The following FAT3 variants were observed in gnomAD, a reference collection of about 807,000 sequenced individuals.
The protein encoded by FAT3 is protocadherin Fat 3.
In FAT3, 95 loss-of-function variants were observed where a neutral mutation model predicts 310.2. That is an observed-to-expected ratio of 0.31 (90% CI 0.26 to 0.36). The LOEUF is 0.36. FAT3 is among the 10% of genes least tolerant of loss of function. The pLI is 1.00. For synonymous variants in FAT3, 2,314 were observed against 2,192.9 expected, an observed-to-expected ratio of 1.06 and a Z score of -1.54; for missense variants, 5,408 against 5,715.6, an observed-to-expected ratio of 0.95 and a Z score of 1.74.
chr11:92,509,000 C>A (rs1294736923), intron 2 of FAT3, among the ~76,000 whole-genome samples: 1 of 152,152 alleles, frequency 6.6e-6, no homozygotes, highest in Non-Finnish European at 1.5e-5. Flanking sequence ...CATGCAAAAT[C>A]TTCTCAGCAG....
At position 92,354,175 on chromosome 11, in the gene FAT3, TG is replaced by T. The variant is rs1392071375; in HGVS notation, c.2065del (p.Ala689LeufsTer18). 1 of 1,613,914 alleles carries T rather than the reference TG, an allele frequency of 6.2e-7. No individual in the cohort carries two copies. Among genetic ancestry groups the T allele is most frequent in the Non-Finnish European group, 8.5e-7 (1 of 1,179,864 alleles). On this transcript the variant is annotated frameshift_variant, in exon 2 of 28. Coordinates refer to ENST00000525166, the MANE Select transcript of FAT3 (RefSeq NM_001367949.2). LOFTEE classifies it high-confidence loss of function. ...SKSFSCRETR[V>X]AQKLAEKLLI... ...AGCTTCAGTTGCAGAGAAACTCGTGTGGCTCAAAAGCTGGCAGAGAAACTAC... is the reference window on the plus strand; with the variant it reads ...AGCTTCAGTTGCAGAGAAACTCGTGTGCTCAAAAGCTGGCAGAGAAACTAC...
At chr11:92,349,510 A>C (rs11019918) in intron 1 of FAT3, among the ~76,000 whole-genome samples, 11,345 of 152,266 alleles carry the variant, frequency 0.075, 592 homozygotes, top group African/African-American at 0.14. Flanking sequence ...GGGCTTCGCC[A>C]CTCTGCTAGG....
At chr11:92,723,922 TCA>T (rs1178610362) in intron 4 of FAT3, among the ~76,000 whole-genome samples, 6 of 152,164 alleles carry the variant, frequency 3.9e-5, no homozygotes, top group African/African-American at 1.2e-4. Context: ...CCAAACCATA[TCA>T]CCAATCATCA....
chr11:92,279,490 C>G (rs1946366540), intron 1 of FAT3, among the ~76,000 whole-genome samples: 1 of 152,114 alleles, frequency 6.6e-6, no homozygotes, highest in Non-Finnish European at 1.5e-5. Flanking sequence ...CATGTATTAA[C>G]TCAATTATCT....
intron 3 of FAT3, among the ~76,000 whole-genome samples, chr11:92,638,905 A>G (rs1247860797): frequency 6.6e-6 from 1 of 152,180 alleles, no homozygotes; most frequent in Non-Finnish European, 1.5e-5. Flanking sequence ...CTGATTGATT[A>G]TTAACTTCTT....
At chr11:92,754,909 G>A (rs888151161) in intron 4 of FAT3, among the ~76,000 whole-genome samples, 1 of 151,896 alleles carries the variant, frequency 6.6e-6, no homozygotes, top group Admixed American at 6.6e-5. Context: ...TGTCATTTGT[G>A]ACAACATGGA....
intron 1 of FAT3, among the ~76,000 whole-genome samples, chr11:92,340,328 C>T (rs988005336): frequency 2.6e-5 from 4 of 151,946 alleles, no homozygotes; most frequent in African/African-American, 9.7e-5. Flanking sequence ...GACTGGTAAG[C>T]GGCTTAAGGC....
chr11:92,651,166 G>A (rs1271641820), intron 3 of FAT3, among the ~76,000 whole-genome samples: 1 of 152,198 alleles, frequency 6.6e-6, no homozygotes, highest in Non-Finnish European at 1.5e-5. Context: ...ATTGTCAAAT[G>A]GCTACTGTTC....
chr11:92,333,566 G>T (rs917981991), intron 1 of FAT3, among the ~76,000 whole-genome samples: 34 of 152,054 alleles, frequency 2.2e-4, no homozygotes, highest in Non-Finnish European at 4.6e-4. Flanking sequence ...CCCCTTATTT[G>T]GTGGAGAATT....
chr11:92,831,822 G>C lies in FAT3; in HGVS notation c.9682G>C (p.Asp3228His), dbSNP rs975595711. Reference protein sequence around the residue: ...SLTTVTITVLDINDNPPVFER... With the variant: ...SLTTVTITVLHINDNPPVFER... ...CACTACTGTCACCATCACCGTTCTG[G>C]ACATTAATGACAACCCCCCTGTGTT... Residue 3228 changes from aspartate (D) to histidine (H), a missense_variant, in exon 14 of 28, where the codon GAC (aspartate) becomes CAC (histidine). Transcript: ENST00000525166. 6.2e-7 allele frequency: 1 copy of C among 1,613,484 alleles called. No homozygotes were observed. The highest frequency in any genetic ancestry group is 8.5e-7 in the Non-Finnish European group (1 of 1,179,786).
chr11:92,879,346 G>A (rs1949618999), intron 22 of FAT3, among the ~76,000 whole-genome samples: 1 of 152,150 alleles, frequency 6.6e-6, no homozygotes, highest in African/African-American at 2.4e-5. Context: ...AGGAAAGCAG[G>A]GCCAGAGGAC....
intron 2 of FAT3, among the ~76,000 whole-genome samples, chr11:92,409,759 G>A (rs1001356054): frequency 6.6e-6 from 1 of 152,080 alleles, no homozygotes; most frequent in African/African-American, 2.4e-5. Flanking sequence ...ATGATTGCAG[G>A]GTAGTGCTTA....
chr11:92,311,239 T>C lies in FAT3; in HGVS notation c.-17-40857T>C, dbSNP rs116271975. Among the ~76,000 whole-genome samples the C allele has an allele frequency of 2.0e-3, 298 of 152,290 alleles. 3 individuals are homozygous for C. Among genetic ancestry groups the C allele is most frequent in the African/African-American group, 6.9e-3 (288 of 41,566 alleles). ...CCCATCACTATGGAATTTATGCAGT[T>C]GGAAACCAACTGAGCTTTATTGAAA... On this transcript the variant is annotated intron_variant, in intron 1 of 27. Coordinates refer to ENST00000525166, the MANE Select transcript of FAT3 (RefSeq NM_001367949.2).
chr11:92,781,277 A>G (rs1246857254), intron 7 of FAT3, among the ~76,000 whole-genome samples: 2 of 151,342 alleles, frequency 1.3e-5, no homozygotes, highest in East Asian at 3.9e-4. Flanking sequence ...AGATGGGATT[A>G]TCCCCATGTT....
chr11:92,436,056 C>G (rs553471115), intron 2 of FAT3, among the ~76,000 whole-genome samples: 1 of 152,290 alleles, frequency 6.6e-6, no homozygotes, highest in South Asian at 2.1e-4. Flanking sequence ...CCTAACAATT[C>G]ACAGGCCAGA....
intron 2 of FAT3, among the ~76,000 whole-genome samples, chr11:92,511,093 G>C (rs1953273530): frequency 6.6e-6 from 1 of 152,218 alleles, no homozygotes; most frequent in African/African-American, 2.4e-5. Context: ...GATAAAATCA[G>C]CTAATGCCTT....
At chr11:92,696,112 T>A (rs1943932296) in intron 3 of FAT3, among the ~76,000 whole-genome samples, 1 of 124,188 alleles carries the variant, frequency 8.1e-6, no homozygotes, top group African/African-American at 3.0e-5. Flanking sequence ...TTACTATATA[T>A]ATATATACCA....
chr11:92,416,681 GC>G (rs1435113229), intron 2 of FAT3, among the ~76,000 whole-genome samples: 1 of 152,154 alleles, frequency 6.6e-6, no homozygotes, highest in African/African-American at 2.4e-5. Context: ...CAAATAGAAA[GC>G]CAGTCCTTGG....
At chr11:92,520,552 A>T (rs1158671371) in intron 2 of FAT3, among the ~76,000 whole-genome samples, 2 of 151,938 alleles carry the variant, frequency 1.3e-5, no homozygotes, top group East Asian at 3.9e-4. Flanking sequence ...GGCCCTCAAG[A>T]TGTGATTTTG....
Sources: gnomAD v4.1 joint callset for allele counts (sites outside exome capture counted in the v4.1 genomes callset) on GRCh38, gnomAD v4.1.1 for gene constraint, MANE v1.5 for transcripts, NCBI Gene and HGNC (gene_info 2026-07-23, HGNC 2026-07-21) for gene names.